Variants in RAB10 observed in about 807,000 individuals in gnomAD.
RAB10 encodes ras-related protein Rab-10.
In RAB10, 5 loss-of-function variants were observed where a neutral mutation model predicts 25.7. The ratio of observed to expected loss-of-function variants is 0.19; its 90% CI spans 0.10 to 0.41. The LOEUF is 0.41. Among genes scored for constraint, RAB10 ranks in the 10% least tolerant of loss-of-function variants. The probability of loss-of-function intolerance (pLI) is 1.00; values close to 1 mark genes in which losing one functional copy is unlikely to be tolerated. For missense variants in RAB10, 103 were observed against 245.8 expected (o/e 0.42, Z 3.89); for synonymous variants, 89 against 86.4 (o/e 1.03, Z -0.16).
intron 1 of RAB10, among the ~76,000 whole-genome samples, chr2:26,043,477 A>G (rs1442420583): frequency 1.3e-5 from 2 of 152,238 alleles, no homozygotes; most frequent in Non-Finnish European, 2.9e-5. Context: ...CAGCATTCAT[A>G]GTAGCATTAT....
At chr2:26,058,189 C>T (rs1256904860) in intron 1 of RAB10, among the ~76,000 whole-genome samples, 1 of 152,184 alleles carries the variant, frequency 6.6e-6, no homozygotes, top group African/African-American at 2.4e-5. Flanking sequence ...CTGCTACCAG[C>T]CTGGTCCATG....
chr2:26,114,317 T>C (rs966284778), intron 3 of RAB10, among the ~76,000 whole-genome samples: 1 of 152,080 alleles, frequency 6.6e-6, no homozygotes, highest in African/African-American at 2.4e-5. Flanking sequence ...AGTTGTAAGA[T>C]TTATACTTTC....
chr2:26,061,352 A>G (rs1175212140), intron 1 of RAB10, among the ~76,000 whole-genome samples: 1 of 151,726 alleles, frequency 6.6e-6, no homozygotes, highest in African/African-American at 2.4e-5. Flanking sequence ...CCTGAGCTCA[A>G]TTGATTTGCC....
chr2:26,034,547 C>G lies in RAB10; in HGVS notation c.-62C>G, dbSNP rs1289339061. 7 of 1,605,370 alleles carry G rather than the reference C, an allele frequency of 4.4e-6. No individual in the cohort carries two copies. In the African/African-American group the frequency reaches 5.4e-5, roughly 12 times the overall value. ...GAGAACGCCCGAGTGAGGAGTTGGC[C>G]GTAGTGAGAGGGACCGATCCCTTGG... On this transcript the variant is annotated 5_prime_UTR_variant, in exon 1 of 6. Transcript: ENST00000264710.
intron 3 of RAB10, among the ~76,000 whole-genome samples, chr2:26,111,374 G>A (rs771191728): frequency 1.7e-4 from 26 of 152,298 alleles, no homozygotes; most frequent in Non-Finnish European, 3.5e-4. Context: ...GGAGGCCGAG[G>A]TGGGCGGATC....
chr2:26,053,441 A>G (rs906049450), intron 1 of RAB10, among the ~76,000 whole-genome samples: 6 of 152,224 alleles, frequency 3.9e-5, no homozygotes, highest in Admixed American at 6.5e-5. Context: ...TTAAATTTCA[A>G]TCTTATGCTC....
chr2:26,060,558 G>T (rs1666373123), intron 1 of RAB10, among the ~76,000 whole-genome samples: 1 of 152,170 alleles, frequency 6.6e-6, no homozygotes, highest in Admixed American at 6.5e-5. Flanking sequence ...AAAGTGCTGG[G>T]ATTATAGGCA....
intron 2 of RAB10, among the ~76,000 whole-genome samples, chr2:26,108,434 C>T (rs759310212): frequency 3.9e-5 from 6 of 152,000 alleles, no homozygotes; most frequent in African/African-American, 1.5e-4. Context: ...ATTCCACTTA[C>T]GTAACATTCT....
intron 1 of RAB10, among the ~76,000 whole-genome samples, chr2:26,084,530 A>T (rs1458650434): frequency 6.6e-6 from 1 of 152,210 alleles, no homozygotes; most frequent in African/African-American, 2.4e-5. Context: ...GTTTTGGTAC[A>T]TGGTACGTGT....
At chr2:26,042,016 T>G (rs1363767467) in intron 1 of RAB10, among the ~76,000 whole-genome samples, 1 of 152,180 alleles carries the variant, frequency 6.6e-6, no homozygotes, top group Non-Finnish European at 1.5e-5. Context: ...CATAACCATC[T>G]TGGTAGTATG....
At chr2:26,074,867 A>G (rs1452357899) in intron 1 of RAB10, among the ~76,000 whole-genome samples, 2 of 152,242 alleles carry the variant, frequency 1.3e-5, no homozygotes, top group African/African-American at 2.4e-5. Flanking sequence ...ACACTCCTTA[A>G]GAGCTGTTAT....
At chr2:26,131,890 T>C (rs925219805) in intron 5 of RAB10, among the ~76,000 whole-genome samples, 3 of 152,256 alleles carry the variant, frequency 2.0e-5, no homozygotes, top group Non-Finnish European at 4.4e-5. Flanking sequence ...ATATCATAAT[T>C]GAACAAGTCT....
At chr2:26,134,809 G>GA in intron 5 of RAB10, 129 bp from the exon 6 acceptor site, 2 of 665,254 alleles carry the variant, frequency 3.0e-6, no homozygotes, top group Non-Finnish European at 4.8e-6. Context: ...GCACGGAGGG[G>GA]AAACCTATCT....
At chr2:26,122,404 A>G (rs1321475761) in intron 3 of RAB10, among the ~76,000 whole-genome samples, 2 of 152,192 alleles carry the variant, frequency 1.3e-5, no homozygotes, top group East Asian at 1.9e-4. Context: ...CAAGGCGGGC[A>G]GATCACGAGG....
intron 3 of RAB10, among the ~76,000 whole-genome samples, chr2:26,117,783 T>TA (rs1333688450): frequency 6.6e-6 from 1 of 152,084 alleles, no homozygotes; most frequent in East Asian, 1.9e-4. Flanking sequence ...ATGGGACTGA[T>TA]AAAAAAGTGC....
intron 1 of RAB10, among the ~76,000 whole-genome samples, chr2:26,062,603 C>T (rs768521368): frequency 2.0e-5 from 3 of 151,360 alleles, no homozygotes; most frequent in Admixed American, 1.3e-4. Flanking sequence ...GCTTGAACCA[C>T]GGAGGTGGGG....
chr2:26,045,685 C>T (rs1359365861), intron 1 of RAB10, among the ~76,000 whole-genome samples: 2 of 152,070 alleles, frequency 1.3e-5, no homozygotes, highest in African/African-American at 4.8e-5. Context: ...AGAGATTTGC[C>T]TGGGAAAACT....
At chr2:26,096,418 A>C (rs933875470) in intron 1 of RAB10, among the ~76,000 whole-genome samples, 8 of 104,740 alleles carry the variant, frequency 7.6e-5, no homozygotes, top group African/African-American at 2.5e-4. Context: ...GGCTGGATGG[A>C]TGGCTGGCTG....
Position 26,134,982 on chromosome 2 carries a change from T to C in RAB10, c.564T>C (p.Ser188=). The change falls in exon 6 of 6, where the codon AGT becomes AGC. Residue 188 remains serine (S), a synonymous_variant. Transcript: ENST00000264710. ...EPNSENVDIS[S]GGGVTGWKSK... ...ACAGTGAAAATGTAGATATCAGCAG[T>C]GGAGGAGGCGTGACAGGCTGGAAGA... The C allele has an allele frequency of 6.2e-7, 1 of 1,613,970 alleles. No individual in the cohort carries two copies. The highest frequency in any genetic ancestry group is 8.5e-7 in the Non-Finnish European group (1 of 1,179,902).
Sources: gnomAD v4.1 joint callset for allele counts (sites outside exome capture counted in the v4.1 genomes callset) on GRCh38, gnomAD v4.1.1 for gene constraint, MANE v1.5 for transcripts, NCBI Gene and HGNC (gene_info 2026-07-23, HGNC 2026-07-21) for gene names.